The following NEGR1 variants were observed in gnomAD, a reference collection of about 807,000 sequenced individuals.
The protein encoded by NEGR1 is neuronal growth regulator 1, also known as IgLON family member 4.
NEGR1 carries 10 observed loss-of-function variants against 40.9 expected under a neutral mutation model. That is an observed-to-expected ratio of 0.24 (90% CI 0.15 to 0.42). The LOEUF (loss-of-function observed/expected upper bound fraction) is 0.42, where lower values mean the gene tolerates loss of function less well. NEGR1 is among the 10% of genes least tolerant of loss of function. The probability of loss-of-function intolerance (pLI) is 1.00; values close to 1 mark genes in which losing one functional copy is unlikely to be tolerated. For missense variants in NEGR1, 352 were observed against 438.9 expected (o/e 0.80, Z 1.77); for synonymous variants, 185 against 166.8 (o/e 1.11, Z -0.84).
chr1:71,409,970 T>C (rs1158679623), intron 6 of NEGR1, among the ~76,000 whole-genome samples: 2 of 152,068 alleles, frequency 1.3e-5, no homozygotes, highest in East Asian at 1.9e-4. Context: ...CAGCACTTAA[T>C]AAGATATGTA....
At chr1:71,657,413 C>G (rs1651914311) in intron 4 of NEGR1, among the ~76,000 whole-genome samples, 1 of 152,188 alleles carries the variant, frequency 6.6e-6, no homozygotes, top group Non-Finnish European at 1.5e-5. Context: ...TGAATGCTCA[C>G]TTTTTCATTG....
chr1:72,166,041 G>A (rs1651751637), intron 1 of NEGR1, among the ~76,000 whole-genome samples: 1 of 151,950 alleles, frequency 6.6e-6, no homozygotes. Flanking sequence ...AGAATAGACT[G>A]GAATTAGAGA....
intron 2 of NEGR1, among the ~76,000 whole-genome samples, chr1:71,895,072 T>C (rs988254559): frequency 2.6e-5 from 4 of 152,204 alleles, no homozygotes; most frequent in Non-Finnish European, 5.9e-5. Context: ...GTGTCCTCAA[T>C]AGGACATTTT....
intron 1 of NEGR1, among the ~76,000 whole-genome samples, chr1:72,263,626 G>A (rs896363773): frequency 6.6e-6 from 1 of 151,548 alleles, no homozygotes; most frequent in Non-Finnish European, 1.5e-5. Flanking sequence ...TGTGATGAAT[G>A]TAGTCAGTCC....
intron 1 of NEGR1, among the ~76,000 whole-genome samples, chr1:72,258,275 C>T (rs1655340334): frequency 6.6e-6 from 1 of 152,112 alleles, no homozygotes; most frequent in Admixed American, 6.6e-5. Context: ...TAAACATCAT[C>T]AACACACAGG....
At chr1:71,984,991 C>A (rs1646382751) in intron 1 of NEGR1, among the ~76,000 whole-genome samples, 1 of 152,058 alleles carries the variant, frequency 6.6e-6, no homozygotes, top group South Asian at 2.1e-4. Context: ...ATTATTATCC[C>A]TATTTTTCAG....
At chr1:72,091,606 T>G (rs966208290) in intron 1 of NEGR1, among the ~76,000 whole-genome samples, 12 of 152,138 alleles carry the variant, frequency 7.9e-5, no homozygotes, top group African/African-American at 2.4e-4. Flanking sequence ...TCAAGTCCCA[T>G]AGGACTGCAG....
intron 1 of NEGR1, among the ~76,000 whole-genome samples, chr1:71,971,452 T>G (rs988652157): frequency 6.6e-6 from 1 of 152,182 alleles, no homozygotes; most frequent in African/African-American, 2.4e-5. Context: ...TAACATTTCA[T>G]GTATTGATTG....
intron 1 of NEGR1, among the ~76,000 whole-genome samples, chr1:72,117,367 A>G (rs1158701905): frequency 6.6e-6 from 1 of 151,780 alleles, no homozygotes; most frequent in Non-Finnish European, 1.5e-5. Flanking sequence ...TAGTTCCTCT[A>G]TTATTCATAC....
At chr1:71,757,661 C>T (rs747774648) in intron 3 of NEGR1, among the ~76,000 whole-genome samples, 7 of 152,022 alleles carry the variant, frequency 4.6e-5, no homozygotes, top group Non-Finnish European at 7.4e-5. Context: ...TTGTCCTCCC[C>T]TCTCATCACC....
At chr1:71,675,404 G>A (rs1383171663) in intron 4 of NEGR1, among the ~76,000 whole-genome samples, 1 of 150,110 alleles carries the variant, frequency 6.7e-6, no homozygotes, top group Non-Finnish European at 1.5e-5. Flanking sequence ...GAGAGAGAAA[G>A]GTATATATAG....
At chr1:72,191,064 G>C (rs902758658) in intron 1 of NEGR1, among the ~76,000 whole-genome samples, 66 of 151,388 alleles carry the variant, frequency 4.4e-4, no homozygotes, top group African/African-American at 1.5e-3. Flanking sequence ...TTATAGTAAA[G>C]GTTTATATAA....
chr1:71,867,429 GT>G (rs1467733521), intron 2 of NEGR1, among the ~76,000 whole-genome samples: 1 of 152,272 alleles, frequency 6.6e-6, no homozygotes, highest in African/African-American at 2.4e-5. Flanking sequence ...AATCAAAATT[GT>G]TTCATTATTA....
intron 6 of NEGR1, among the ~76,000 whole-genome samples, chr1:71,467,866 T>C (rs1487810079): frequency 6.6e-6 from 1 of 152,024 alleles, no homozygotes; most frequent in Non-Finnish European, 1.5e-5. Context: ...TTCATTGGCT[T>C]TGTATATTTT....
At chr1:71,980,588 A>G (rs980922774) in intron 1 of NEGR1, among the ~76,000 whole-genome samples, 2 of 152,188 alleles carry the variant, frequency 1.3e-5, no homozygotes, top group African/African-American at 4.8e-5. Context: ...ATCTGCTTTA[A>G]AAGTCCCTTT....
At chr1:72,248,575 T>TTTATTATTA (rs201326223) in intron 1 of NEGR1, among the ~76,000 whole-genome samples, 30,995 of 132,544 alleles carry the variant, frequency 0.23, 3,957 homozygotes, top group Non-Finnish European at 0.28. Context: ...TCTATTTTTA[T>TTTATTATTA]TTATTATTAT....
intron 1 of NEGR1, among the ~76,000 whole-genome samples, chr1:72,221,993 A>C (rs1043316281): frequency 1.3e-5 from 2 of 151,782 alleles, no homozygotes; most frequent in Non-Finnish European, 2.9e-5. Flanking sequence ...GCAAGGGTGG[A>C]CCCAGTGGCC....
intron 1 of NEGR1, among the ~76,000 whole-genome samples, chr1:71,987,511 C>A (rs1646405843): frequency 6.6e-6 from 1 of 152,166 alleles, no homozygotes; most frequent in African/African-American, 2.4e-5. Flanking sequence ...AAGAAAGGGG[C>A]AGAAACAGAA....
intron 1 of NEGR1, among the ~76,000 whole-genome samples, chr1:72,044,625 C>T (rs559542776): frequency 6.6e-6 from 1 of 151,688 alleles, no homozygotes; most frequent in Non-Finnish European, 1.5e-5. Context: ...AATAGAGTAT[C>T]ATAAAATCAT....
Sources: gnomAD v4.1 joint callset for allele counts (sites outside exome capture counted in the v4.1 genomes callset) on GRCh38, gnomAD v4.1.1 for gene constraint, MANE v1.5 for transcripts, NCBI Gene and HGNC (gene_info 2026-07-23, HGNC 2026-07-21) for gene names.